FAS: variants seen among roughly 807,000 people sequenced by gnomAD.
FAS encodes the protein tumor necrosis factor receptor superfamily member 6.
FAS carries 5 observed loss-of-function variants against 33.2 expected under a neutral mutation model. That is an observed-to-expected ratio of 0.15 (90% CI 0.08 to 0.32). The LOEUF (loss-of-function observed/expected upper bound fraction) is 0.32, where lower values mean the gene tolerates loss of function less well. Ranked by LOEUF, FAS falls within the 10% of genes least tolerant of loss-of-function variation. The pLI, the probability that FAS is intolerant of heterozygous loss-of-function variation, is 1.00. For missense variants in FAS, 339 were observed against 386.0 expected (o/e 0.88, Z 1.02); for synonymous variants, 131 against 130.7 (o/e 1.00, Z -0.01).
rs1400097718 is a variant in FAS at position 89,009,870 on chromosome 10, T to C, written c.444-669T>C. Among the ~76,000 whole-genome samples the C allele has an allele frequency of 3.9e-5, 6 of 152,344 alleles. No individual in the cohort carries two copies. The South Asian group carries it at 1.2e-3, about 32-fold the overall frequency. On this transcript the variant is annotated intron_variant, in intron 4 of 8. Transcript: ENST00000652046. The stretch of plus-strand genomic sequence containing the variant: ...TTTCATAATCTTGATTTAATTTTCT[T>C]GTCATCATAACCTTTTGAAATAGAT...
chr10:89,002,647 G>A (rs1006297893), intron 1 of FAS: 18 of 302,772 alleles, frequency 5.9e-5, no homozygotes, highest in African/African-American at 3.7e-4. Context: ...AGCTTTAAGT[G>A]CATTATTCCA....
chr10:88,979,458 C>G (rs750917373), intron 2 of FAS, among the ~76,000 whole-genome samples: 1 of 151,998 alleles, frequency 6.6e-6, no homozygotes, highest in Non-Finnish European at 1.5e-5. Flanking sequence ...TGTCAGGAAC[C>G]CTTAAAATGT....
chr10:89,016,008 G>A lies in FAS; in HGVS notation c.*1558G>A, dbSNP rs952423568. The A allele has an allele frequency of 4.1e-5, 10 of 244,018 alleles. No homozygotes were observed. Among genetic ancestry groups the A allele is most frequent in the Admixed American group, 2.6e-4 (5 of 19,480 alleles). 15.1% of individuals were successfully genotyped at this position (244,018 alleles called of 1,614,324 possible). A position where few individuals can be genotyped will look rare whatever the true frequency, so the allele number is the denominator to read the frequency against. ...ACATGATTATTCGTCAAACAGTTTCGTATTCCAGATACTGGAATGTGGATA... is the reference window on the plus strand; with the variant it reads ...ACATGATTATTCGTCAAACAGTTTCATATTCCAGATACTGGAATGTGGATA... On this transcript the variant is annotated 3_prime_UTR_variant, in exon 9 of 9. Transcript: ENST00000652046.
At chr10:88,998,982 G>T (rs899337184) in intron 1 of FAS, among the ~76,000 whole-genome samples, 1 of 151,640 alleles carries the variant, frequency 6.6e-6, no homozygotes, top group Non-Finnish European at 1.5e-5. Context: ...GTGAAACCCC[G>T]TCTCTACTAA....
chr10:88,975,915 A>G (rs1286157059), intron 2 of FAS, among the ~76,000 whole-genome samples: 1 of 152,182 alleles, frequency 6.6e-6, no homozygotes. Context: ...CAGTGAGATT[A>G]ATAGAAGCCA....
upstream of FAS, chr10:88,990,535 C>A (rs2133381092): frequency 4.9e-6 from 3 of 617,636 alleles, no homozygotes; most frequent in East Asian, 9.8e-5. The surrounding 1 kb of genome is among the most constrained non-coding windows in gnomAD (Gnocchi z 4.9). Context: ...CCCCTCCCTA[C>A]CCGCGCGCAG....
chr10:88,969,017 G>A (rs1846374218), intron 1 of FAS, among the ~76,000 whole-genome samples: 1 of 152,048 alleles, frequency 6.6e-6, no homozygotes, highest in Non-Finnish European at 1.5e-5. Context: ...ATGTGTTTAG[G>A]TAGAAGATCC....
intron 1 of FAS, among the ~76,000 whole-genome samples, chr10:88,972,708 C>T (rs1052611737): frequency 1.3e-5 from 2 of 152,112 alleles, no homozygotes; most frequent in Non-Finnish European, 2.9e-5. Flanking sequence ...ATGTATAAAT[C>T]GATTTTACCC....
intron 2 of FAS, among the ~76,000 whole-genome samples, chr10:88,979,746 G>C (rs915483666): frequency 5.9e-5 from 9 of 152,154 alleles, no homozygotes; most frequent in African/African-American, 2.2e-4. Flanking sequence ...ACATGTGCTT[G>C]ACTGTATAAT....
At chr10:88,978,386 A>G (rs1846626101) in intron 2 of FAS, among the ~76,000 whole-genome samples, 1 of 152,002 alleles carries the variant, frequency 6.6e-6, no homozygotes, top group African/African-American at 2.4e-5. Flanking sequence ...GTACCCTAAA[A>G]CTTAAAGTAT....
rs1848500518 is a variant in FAS, at chr10:89,010,942, C to T, written c.568+127C>T. ...ATTTATGTATTGTTAATTTCTTGCC[C>T]CTGAATGCAGCCTTGAGAGCTGACT... On this transcript the variant is annotated intron_variant, in intron 6 of 8. Transcript: ENST00000652046. 2.8e-6 allele frequency: 3 copies of T among 1,079,312 alleles called. No homozygotes were observed. In the East Asian group the frequency reaches 7.1e-5, roughly 25 times the overall value. The allele number at this position is 1,079,312 out of a possible 1,614,324, so 66.9% of individuals were successfully genotyped here. A position where few individuals can be genotyped will look rare whatever the true frequency, so the allele number is the denominator to read the frequency against.
At chr10:88,985,579 T>C (rs1038071999), upstream of FAS, among the ~76,000 whole-genome samples, 2 of 152,122 alleles carry the variant, frequency 1.3e-5, no homozygotes, top group African/African-American at 4.8e-5. Context: ...TGCCCATCCA[T>C]TATCTCCCTC....
rs1048266477 is a variant in FAS at position 88,990,987 on chromosome 10, T to G, written c.30+81T>G. Reference sequence around the variant, plus strand: ...CAAAGTGGGGCGGGCGCGGGACGCGTGCGGGATTGCGGCGGCAGCGGCGCA... The same window carrying G: ...CAAAGTGGGGCGGGCGCGGGACGCGGGCGGGATTGCGGCGGCAGCGGCGCA... On this transcript the variant is annotated intron_variant, in intron 1 of 8. Transcript: ENST00000652046. The surrounding 1 kb of genome is among the most constrained non-coding windows in gnomAD (Gnocchi z 4.9). 2.5e-5 allele frequency: 40 copies of G among 1,596,464 alleles called. No individual in the cohort carries two copies. The highest frequency in any genetic ancestry group is 3.3e-5 in the Non-Finnish European group (39 of 1,165,934).
chr10:88,989,822 T>A (rs1379499174), upstream of FAS, among the ~76,000 whole-genome samples: 1 of 152,028 alleles, frequency 6.6e-6, no homozygotes, highest in African/African-American at 2.4e-5. Context: ...AAAGGAATAC[T>A]GAAACCTTTA....
At chr10:89,008,610 C>T (rs771067976) in intron 3 of FAS, among the ~76,000 whole-genome samples, 3 of 152,130 alleles carry the variant, frequency 2.0e-5, no homozygotes, top group Non-Finnish European at 4.4e-5. Flanking sequence ...GCTGCCAGTC[C>T]CCAGGTCACC....
At position 89,010,802 on chromosome 10, in the gene FAS, A is replaced by G. The variant is rs1249960187; in HGVS notation, c.555A>G (p.Pro185=). ...GWLCLLLLPI[P]LIVWVKRKEV... ...TTTGTCTTCTTCTTTTGCCAATTCC[A>G]CTAATTGTTTGGGGTAAGTTCTTGC... is the stretch of plus-strand genomic sequence containing the variant. The change falls in exon 6 of 9, where the codon CCA becomes CCG. Residue 185 remains proline, a synonymous_variant. Transcript: ENST00000652046. 3 of 1,613,920 alleles carry G rather than the reference A, an allele frequency of 1.9e-6. No individual in the cohort carries two copies. The highest frequency in any genetic ancestry group is 2.2e-5 in the East Asian group (1 of 44,876).
upstream of FAS, among the ~76,000 whole-genome samples, chr10:88,984,267 C>T (rs116661584): frequency 0.011 from 1,633 of 152,252 alleles, 29 homozygotes; most frequent in African/African-American, 0.034. Flanking sequence ...AGGAGTCAAG[C>T]TAAGGCTGGT....
chr10:88,987,249 T>G (rs886957568), upstream of FAS, among the ~76,000 whole-genome samples: 1 of 152,250 alleles, frequency 6.6e-6, no homozygotes, highest in Non-Finnish European at 1.5e-5. Flanking sequence ...GAAACTAGAA[T>G]AGCTAATTTG....
At chr10:88,985,478 A>G (rs1023939768), upstream of FAS, among the ~76,000 whole-genome samples, 1 of 152,156 alleles carries the variant, frequency 6.6e-6, no homozygotes, top group African/African-American at 2.4e-5. Flanking sequence ...TTTCTACCCA[A>G]GTGCTCTGGG....
Sources: gnomAD v4.1 joint callset for allele counts (sites outside exome capture counted in the v4.1 genomes callset) on GRCh38, gnomAD v4.1.1 for gene constraint, Gnocchi (gnomAD v3.1) non-coding constraint, MANE v1.5 for transcripts, NCBI Gene and HGNC (gene_info 2026-07-23, HGNC 2026-07-21) for gene names.